The following P4HA1 variants were observed in gnomAD, a reference collection of about 807,000 sequenced individuals.
P4HA1 encodes the protein prolyl 4-hydroxylase subunit alpha-1.
In P4HA1, 24 loss-of-function variants were observed where a neutral mutation model predicts 72.8. The observed-to-expected ratio is 0.33, with a 90% confidence interval of 0.24 to 0.46. The LOEUF is 0.46. P4HA1 is among the 20% of genes least tolerant of loss of function. The probability of loss-of-function intolerance (pLI) is 1.00; values close to 1 mark genes in which losing one functional copy is unlikely to be tolerated. For synonymous variants in P4HA1, 201 were observed against 218.8 expected (o/e 0.92, Z 0.72); for missense variants, 446 against 640.6 (o/e 0.70, Z 3.28).
chr10:73,013,433 T>G (rs1339973176), intron 12 of P4HA1, among the ~76,000 whole-genome samples: 1 of 152,238 alleles, frequency 6.6e-6, no homozygotes, highest in Non-Finnish European at 1.5e-5. Flanking sequence ...CTTTAGGCAT[T>G]CTGGCTGACA....
chr10:73,089,116 A>G (rs6480667), intron 1 of P4HA1, among the ~76,000 whole-genome samples: 24,114 of 152,148 alleles, frequency 0.16, 3,156 homozygotes, highest in African/African-American at 0.34. Flanking sequence ...TAATCCATGA[A>G]CATGATATAA....
intron 5 of P4HA1, among the ~76,000 whole-genome samples, chr10:73,062,594 A>G (rs1841337309): frequency 6.6e-6 from 1 of 152,216 alleles, no homozygotes; most frequent in Non-Finnish European, 1.5e-5. Context: ...AGTGTCCGAT[A>G]ACATCACAAA....
At chr10:73,026,297 C>T (rs995331580) in intron 10 of P4HA1, among the ~76,000 whole-genome samples, 2 of 152,068 alleles carry the variant, frequency 1.3e-5, no homozygotes, top group African/African-American at 2.4e-5. Context: ...TCAGAAATAA[C>T]AACACACATC....
intron 9 of P4HA1, among the ~76,000 whole-genome samples, chr10:73,033,359 A>C (rs1196163729): frequency 1.3e-5 from 2 of 152,066 alleles, no homozygotes; most frequent in Non-Finnish European, 2.9e-5. Flanking sequence ...TTAAATATCT[A>C]GTCTTATCTT....
At chr10:73,075,528 T>C (rs2133138810) in intron 1 of P4HA1, among the ~76,000 whole-genome samples, 1 of 152,306 alleles carries the variant, frequency 6.6e-6, no homozygotes, top group East Asian at 1.9e-4. Flanking sequence ...CTTTTTCATA[T>C]AGCCTGAAAA....
chr10:73,073,670 A>C (rs1841620518), intron 3 of P4HA1, 61 bp downstream of exon 3: 1 of 835,436 alleles, frequency 1.2e-6, no homozygotes. Flanking sequence ...AGAATATTTT[A>C]GCTTGAGAAA....
At chr10:73,067,729 A>AT (rs1476171774) in intron 5 of P4HA1, among the ~76,000 whole-genome samples, 2 of 151,950 alleles carry the variant, frequency 1.3e-5, no homozygotes, top group African/African-American at 4.8e-5. Context: ...TTAGATCTCA[A>AT]TTTTTTTAAT....
At chr10:73,022,425 A>ATTTTCCTT (rs1840158077) in intron 10 of P4HA1, among the ~76,000 whole-genome samples, 1 of 152,208 alleles carries the variant, frequency 6.6e-6, no homozygotes, top group Non-Finnish European at 1.5e-5. Flanking sequence ...TAGAAGGAAA[A>ATTTTCCTT]CTAACAGAAA....
intron 9 of P4HA1, chr10:73,043,993 G>C (rs1406113282): frequency 2.0e-6 from 3 of 1,516,582 alleles, no homozygotes; most frequent in African/African-American, 1.4e-5. Flanking sequence ...ACTTACTCCA[G>C]TAGCAGGCAA....
intron 10 of P4HA1, among the ~76,000 whole-genome samples, chr10:73,027,763 AG>A (rs1379297765): frequency 7.0e-6 from 1 of 142,086 alleles, no homozygotes; most frequent in African/African-American, 2.6e-5. Context: ...AGGGAAGGGA[AG>A]GAAGGAAGGA....
At chr10:73,072,004 T>C (rs200602574) in intron 4 of P4HA1, 25 bp downstream of exon 4, 4 of 1,561,036 alleles carry the variant, frequency 2.6e-6, no homozygotes, top group Non-Finnish European at 3.5e-6. Flanking sequence ...AATATTACCT[T>C]ACTCAGGAAT....
At chr10:73,063,734 T>C (rs1413482844) in intron 5 of P4HA1, among the ~76,000 whole-genome samples, 1 of 152,164 alleles carries the variant, frequency 6.6e-6, no homozygotes, top group Non-Finnish European at 1.5e-5. Flanking sequence ...GGCAACATTA[T>C]TTGAACATGC....
chr10:73,058,938 C>A (rs1435616413), intron 5 of P4HA1, among the ~76,000 whole-genome samples: 1 of 151,920 alleles, frequency 6.6e-6, no homozygotes, highest in African/African-American at 2.4e-5. Flanking sequence ...CCACCACGCT[C>A]AGCTAATTTT....
At chr10:73,089,473 TATAAG>T (rs1841985054) in intron 1 of P4HA1, among the ~76,000 whole-genome samples, 1 of 152,108 alleles carries the variant, frequency 6.6e-6, no homozygotes, top group African/African-American at 2.4e-5. Flanking sequence ...TAGGCATTAA[TATAAG>T]AGAAAAGAAA....
chr10:73,069,047 T>A (rs1018841483), intron 4 of P4HA1, 64 bp from the exon 5 acceptor site: 2 of 1,192,360 alleles, frequency 1.7e-6, no homozygotes, highest in Non-Finnish European at 2.4e-6. Context: ...ATAAAGAGAC[T>A]TAATAAGGAT....
At chr10:73,087,301 C>T (rs1374244177) in intron 1 of P4HA1, among the ~76,000 whole-genome samples, 1 of 144,498 alleles carries the variant, frequency 6.9e-6, no homozygotes, top group African/African-American at 2.5e-5. Flanking sequence ...CAGAGTCTCA[C>T]TCTGTCGCCC....
At chr10:73,036,988 T>C (rs1233499341) in intron 9 of P4HA1, among the ~76,000 whole-genome samples, 1 of 145,322 alleles carries the variant, frequency 6.9e-6, no homozygotes, top group Admixed American at 6.6e-5. Context: ...CCCAGTGCTT[T>C]AACTGAGTTG....
chr10:73,019,730 G>GAAAAAAAAAAAAAA (rs3066045), intron 10 of P4HA1, among the ~76,000 whole-genome samples: 7 of 65,226 alleles, frequency 1.1e-4, no homozygotes, highest in African/African-American at 4.2e-4. Context: ...CTCTGTCTCA[G>GAAAAAAAAAAAAAA]AAAAAAAAAA....
chr10:73,049,338 T>C (rs1840957509), intron 7 of P4HA1, among the ~76,000 whole-genome samples: 2 of 152,190 alleles, frequency 1.3e-5, no homozygotes, highest in Admixed American at 1.3e-4. Flanking sequence ...TGTTAAACAC[T>C]TTTCAAATGT....
Sources: gnomAD v4.1 joint callset for allele counts (sites outside exome capture counted in the v4.1 genomes callset) on GRCh38, gnomAD v4.1.1 for gene constraint, MANE v1.5 for transcripts, NCBI Gene and HGNC (gene_info 2026-07-23, HGNC 2026-07-21) for gene names.